ARHGEF26: variants seen among roughly 807,000 people sequenced by gnomAD.
ARHGEF26 encodes Rho guanine nucleotide exchange factor 26, also known as Rho guanine nucleotide exchange factor (GEF) 26.
In ARHGEF26, 59 loss-of-function variants were observed where a neutral mutation model predicts 89.4. The observed-to-expected ratio is 0.66, with a 90% CI of 0.54 to 0.82. The LOEUF (loss-of-function observed/expected upper bound fraction) is 0.82. ARHGEF26 is among the 40% of genes least tolerant of loss of function. The probability of loss-of-function intolerance (pLI) is 0.00; values close to 1 mark genes in which losing one functional copy is unlikely to be tolerated. For synonymous variants in ARHGEF26, 500 were observed against 428.4 expected, an observed-to-expected ratio of 1.17 and a Z score of -2.06; for missense variants, 1,234 against 1,085.6, an observed-to-expected ratio of 1.14 and a Z score of -1.92.
chr3:154,239,249 CGAGAGAGAGAGGGAGAGA>C (rs1442616450), intron 11 of ARHGEF26, among the ~76,000 whole-genome samples: 3 of 63,360 alleles, frequency 4.7e-5, no homozygotes, highest in African/African-American at 1.2e-4. Flanking sequence ...TGTAAATGAC[CGAGAGAGAGAGGGAGAGA>C]GAGAGAGAGA....
At chr3:154,233,776 G>A (rs944946859) in intron 11 of ARHGEF26, among the ~76,000 whole-genome samples, 1 of 152,224 alleles carries the variant, frequency 6.6e-6, no homozygotes, top group African/African-American at 2.4e-5. Context: ...GTGGGGTGAT[G>A]GGCCATGGTG....
At chr3:154,180,292 G>A (rs1713100938) in intron 6 of ARHGEF26, among the ~76,000 whole-genome samples, 1 of 151,970 alleles carries the variant, frequency 6.6e-6, no homozygotes, top group Non-Finnish European at 1.5e-5. Context: ...CATTAATAAT[G>A]GACATGTACA....
chr3:154,254,646 T>C, intron 13 of ARHGEF26, 74 bp from the exon 14 acceptor site: 1 of 1,122,374 alleles, frequency 8.9e-7, no homozygotes, highest in South Asian at 1.4e-5. Context: ...GAAAAATAAG[T>C]AAGTGTACAT....
At chr3:154,176,514 A>G (rs964596283) in intron 6 of ARHGEF26, among the ~76,000 whole-genome samples, 1 of 152,184 alleles carries the variant, frequency 6.6e-6, no homozygotes, top group Admixed American at 6.5e-5. Flanking sequence ...CAGTGTCAGC[A>G]TCCTTCACAA....
chr3:154,122,339 T>C lies in ARHGEF26; in HGVS notation c.347T>C (p.Leu116Pro). ...PRLRRPKSPKLPKAVPGGSPK... is the reference protein window; with the variant it reads ...PRLRRPKSPKPPKAVPGGSPK... ...CTTCGACGGCCCAAGTCACCCAAGC[T>C]CCCCAAAGCGGTGCCTGGCGGCTCC... The change falls in exon 2 of 15, where the codon CTC becomes CCC. Residue 116 changes from leucine (L) to proline (P), a missense_variant. Transcript: ENST00000465093. 1 of 1,612,540 alleles carries C rather than the reference T, an allele frequency of 6.2e-7. No individual in the cohort carries two copies. Among genetic ancestry groups the C allele is most frequent in the South Asian group, 1.1e-5 (1 of 91,060 alleles).
chr3:154,160,138 T>G (rs1711568795), intron 6 of ARHGEF26, among the ~76,000 whole-genome samples: 1 of 152,144 alleles, frequency 6.6e-6, no homozygotes, highest in Non-Finnish European at 1.5e-5. Flanking sequence ...ACTTTTTGAC[T>G]GTTTCTCTAT....
Position 154,122,174 on chromosome 3 carries a change from C to T in ARHGEF26, c.182C>T (p.Ala61Val), listed in dbSNP as rs1560032917. The T allele has an allele frequency of 6.3e-7, 1 of 1,598,906 alleles. No homozygotes were observed. Among genetic ancestry groups the T allele is most frequent in the Non-Finnish European group, 8.5e-7 (1 of 1,172,938 alleles). Residue 61 changes from alanine (A) to valine (V), a missense_variant, in exon 2 of 15, where the codon GCA becomes GTA. By Grantham distance (64) the Ala-to-Val change is moderately conservative. Coordinates refer to ENST00000465093, the MANE Select transcript of ARHGEF26 (RefSeq NM_015595.4). ...FPVEDGGTLL[A>V]AQIPAQVPTA... ...GTGGAGGACGGAGGGACGCTCCTCG[C>T]AGCGCAGATTCCCGCCCAGGTGCCC...
At chr3:154,158,174 T>C (rs1338508625) in intron 6 of ARHGEF26, among the ~76,000 whole-genome samples, 2 of 152,034 alleles carry the variant, frequency 1.3e-5, no homozygotes, top group Non-Finnish European at 2.9e-5. Context: ...TTGAGATGCA[T>C]GGAGTAAAAA....
intron 9 of ARHGEF26, among the ~76,000 whole-genome samples, chr3:154,216,019 G>A (rs938529779): frequency 2.6e-5 from 4 of 151,968 alleles, no homozygotes; most frequent in Admixed American, 6.6e-5. Context: ...TATAACATAG[G>A]AAAAAAAGAG....
chr3:154,192,600 G>C (rs1714017731), intron 8 of ARHGEF26, among the ~76,000 whole-genome samples: 1 of 152,084 alleles, frequency 6.6e-6, no homozygotes, highest in African/African-American at 2.4e-5. Context: ...TTCACTTTCT[G>C]ATTTTTTTTT....
At chr3:154,231,993 T>C (rs1020333332) in intron 11 of ARHGEF26, among the ~76,000 whole-genome samples, 3 of 152,170 alleles carry the variant, frequency 2.0e-5, no homozygotes, top group African/African-American at 7.2e-5. Flanking sequence ...TTCCTTTTTA[T>C]TGATGTCGTC....
intron 3 of ARHGEF26, among the ~76,000 whole-genome samples, chr3:154,127,981 C>T (rs1718440157): frequency 1.3e-5 from 2 of 152,204 alleles, no homozygotes; most frequent in South Asian, 2.1e-4. Context: ...TATGCTTTTC[C>T]TGTAGCTCTG....
chr3:154,135,668 G>C (rs1718958941), intron 4 of ARHGEF26, among the ~76,000 whole-genome samples: 1 of 152,128 alleles, frequency 6.6e-6, no homozygotes, highest in South Asian at 2.1e-4. Context: ...AAAGCATGTG[G>C]GTTTGAAGGA....
chr3:154,253,075 T>C (rs1718258128), intron 12 of ARHGEF26, 41 bp from the exon 13 acceptor site: 2 of 1,610,972 alleles, frequency 1.2e-6, no homozygotes, highest in African/African-American at 1.3e-5. Flanking sequence ...TCTGTGTTTT[T>C]ACACCTTGAG....
chr3:154,256,563 A>AC lies in ARHGEF26; in HGVS notation c.*1090_*1091insC, dbSNP rs1447963159. 6.0e-6 allele frequency: 6 copies of AC among 997,738 alleles called. No individual in the cohort carries two copies. The highest frequency in any genetic ancestry group is 7.2e-6 in the Non-Finnish European group (6 of 838,486). The allele number at this position is 997,738 out of a possible 1,614,324, so 61.8% of individuals were successfully genotyped here. ...TCTAATTAATTAAAAAAAAAAAAAA[A>AC]AAAAAAAAAAAACCTTCCCAAATGA... On this transcript the variant is annotated 3_prime_UTR_variant, in exon 15 of 15. Transcript: ENST00000465093.
intron 6 of ARHGEF26, among the ~76,000 whole-genome samples, chr3:154,177,533 A>T (rs922860140): frequency 6.6e-6 from 1 of 152,154 alleles, no homozygotes; most frequent in Non-Finnish European, 1.5e-5. Context: ...TGTTGGCTGA[A>T]TTCCCTCTCA....
At position 154,122,261 on chromosome 3, in the gene ARHGEF26, C is replaced by G. The variant is rs1299606317; in HGVS notation, c.269C>G (p.Ala90Gly). Residue 90 changes from alanine to glycine, a missense_variant, in exon 2 of 15, where the codon GCG becomes GGG. Coordinates refer to ENST00000465093, the MANE Select transcript of ARHGEF26 (RefSeq NM_015595.4). The part of the protein sequence containing the change: ...SPLLLGAQRR[A>G]VANGGTASPE... ...CTGCTTCTGGGCGCCCAGCGGAGAG[C>G]GGTGGCCAATGGTGGGACGGCATCC... 6.2e-7 allele frequency: 1 copy of G among 1,611,898 alleles called. No individual in the cohort carries two copies.
At chr3:154,199,327 G>T (rs570325606) in intron 9 of ARHGEF26, among the ~76,000 whole-genome samples, 3 of 151,756 alleles carry the variant, frequency 2.0e-5, no homozygotes, top group Non-Finnish European at 4.4e-5. Context: ...TTGTCTTTCT[G>T]TGTCTGGCTT....
chr3:154,171,962 A>G (rs192981835), intron 6 of ARHGEF26, among the ~76,000 whole-genome samples: 1 of 152,138 alleles, frequency 6.6e-6, no homozygotes, highest in African/African-American at 2.4e-5. Context: ...GGCAAGCAGG[A>G]TGTAATTTTT....
Sources: allele counts gnomAD v4.1 joint callset (sites outside exome capture counted in the v4.1 genomes callset), GRCh38; gene constraint gnomAD v4.1.1; transcripts MANE v1.5; gene names NCBI Gene and HGNC (gene_info 2026-07-23, HGNC 2026-07-21).